SCN4A: variants seen among roughly 807,000 people sequenced by gnomAD.
The protein encoded by SCN4A is sodium voltage-gated channel alpha subunit 4, also known as sodium channel protein type 4 subunit alpha.
SCN4A carries 83 observed loss-of-function variants against 162.0 expected under a neutral mutation model. The observed-to-expected ratio is 0.51, with a 90% CI of 0.43 to 0.61. SCN4A has a LOEUF of 0.61. Ranked by LOEUF, SCN4A falls within the 20% of genes least tolerant of loss-of-function variation. The probability of loss-of-function intolerance (pLI) is 0.00; values close to 1 mark genes in which losing one functional copy is unlikely to be tolerated. For missense variants in SCN4A, 2,196 were observed against 2,462.5 expected (o/e 0.89, Z 2.29); for synonymous variants, 944 against 985.1 (o/e 0.96, Z 0.78).
At chr17:63,957,593 G>T in intron 12 of SCN4A, 75 bp from the exon 13 acceptor site, 1 of 973,582 alleles carries the variant, frequency 1.0e-6, no homozygotes, top group East Asian at 2.6e-5. Flanking sequence ...TTAGGAGAAA[G>T]AACAGTGTCG....
Position 63,968,274 on chromosome 17 carries a change from C to T in SCN4A, c.785G>A (p.Ser262Asn). The change falls in exon 6 of 24, where the codon AGC becomes AAC. Residue 262 changes from serine (S) to asparagine (N), a missense_variant. Coordinates refer to ENST00000435607, the MANE Select transcript of SCN4A (RefSeq NM_000334.4). ...DVMILTVFCL[S>N]VFALVGLQLF... is the part of the protein sequence containing the mutation. ...CTGCAGTCCTACCAGCGCAAAGACG[C>T]TCAGGCAGAAGACAGTGAGGATCAT... The T allele has an allele frequency of 1.2e-6, 2 of 1,613,912 alleles. No homozygotes were observed. The highest frequency in any genetic ancestry group is 1.7e-6 in the Non-Finnish European group (2 of 1,179,774).
chr17:63,945,705 G>A lies in SCN4A; in HGVS notation c.3442-67C>T. On this transcript the variant is annotated intron_variant, in intron 18 of 23. Coordinates refer to ENST00000435607, the MANE Select transcript of SCN4A (RefSeq NM_000334.4). The surrounding 1 kb of genome is among the most constrained non-coding windows in gnomAD (Gnocchi z 4.4). ...CTGAGAGAGGGCTCCACATCTCTAC[G>A]CCACCCAGGGGACCAGGCAGAGCTG... The A allele has an allele frequency of 5.9e-6, 9 of 1,537,374 alleles. No homozygotes were observed. The highest frequency in any genetic ancestry group is 4.7e-5 in the East Asian group (2 of 42,838).
At chr17:63,961,977 C>T (rs73326359) in intron 10 of SCN4A, among the ~76,000 whole-genome samples, 326 of 151,616 alleles carry the variant, frequency 2.2e-3, no homozygotes, top group African/African-American at 7.7e-3. Flanking sequence ...CGCCTCCTCC[C>T]GAAGCTCCGC....
chr17:63,963,857 T>C (rs547258332), intron 9 of SCN4A, 32 bp from the exon 10 acceptor site: 1 of 1,570,098 alleles, frequency 6.4e-7, no homozygotes, highest in East Asian at 2.3e-5. Context: ...TGGCAGGAAG[T>C]CCAGCTCTGA....
At position 63,944,563 on chromosome 17, in the gene SCN4A, C is replaced by G; in HGVS notation, c.3912+110G>C. On this transcript the variant is annotated intron_variant, in intron 21 of 23. Coordinates refer to ENST00000435607, the MANE Select transcript of SCN4A (RefSeq NM_000334.4). This position sits in a 1 kb window ranked among gnomAD's most constrained non-coding sequence, Gnocchi z 4.3. ...CAAGCTAGCTGCCTGAACCAACAAC[C>G]TGGTAGGTGCTCAGGCAGCGTTTGT... The G allele has an allele frequency of 7.9e-7, 1 of 1,258,994 alleles. No homozygotes were observed. The highest frequency in any genetic ancestry group is 1.5e-5 in the South Asian group (1 of 68,158). The allele number at this position is 1,258,994 out of a possible 1,614,324, so 78.0% of individuals were successfully genotyped here.
Position 63,945,190 on chromosome 17 carries a change from A to G in SCN4A, c.3721-130T>C. 2 of 1,075,526 alleles carry G rather than the reference A, an allele frequency of 1.9e-6. No individual in the cohort carries two copies. The highest frequency in any genetic ancestry group is 2.8e-6 in the Non-Finnish European group (2 of 726,654). The allele number at this position is 1,075,526 out of a possible 1,614,324, so 66.6% of individuals were successfully genotyped here. A position where few individuals can be genotyped will look rare whatever the true frequency, so the allele number is the denominator to read the frequency against. On this transcript the variant is annotated intron_variant, in intron 19 of 23. Coordinates refer to ENST00000435607, the MANE Select transcript of SCN4A (RefSeq NM_000334.4). The surrounding 1 kb of genome is among the most constrained non-coding windows in gnomAD (Gnocchi z 4.4). ...CCTGCCAGAGCCCCACTGGGCTAGC[A>G]TCAAATAAAGACCAGAGAGGTCTAG...
Position 63,959,303 on chromosome 17 carries a change from T to C in SCN4A, c.1981A>G (p.Asn661Asp), listed in dbSNP as rs1597978662. ...TLSLVELGLA[N>D]VQGLSVLRSF... ...CGTAGCACAGACAGTCCCTGTACGT[T>C]GGCCAGGCCTAGCTCTACCAGGCTG... The change falls in exon 12 of 24, where the codon AAC (asparagine) becomes GAC (aspartate). Residue 661 changes from asparagine (N) to aspartate (D), a missense_variant. Physicochemically the swap from Asn to Asp is conservative, Grantham distance 23. Coordinates refer to ENST00000435607, the MANE Select transcript of SCN4A (RefSeq NM_000334.4). 1 of 1,614,008 alleles carries C rather than the reference T, an allele frequency of 6.2e-7. No homozygotes were observed.
chr17:63,948,766 C>A lies in SCN4A; in HGVS notation c.2990-1G>T. The A allele has an allele frequency of 6.2e-7, 1 of 1,600,658 alleles. No individual in the cohort carries two copies. Among genetic ancestry groups the A allele is most frequent in the Non-Finnish European group, 8.5e-7 (1 of 1,171,194 alleles). ...AGGCAGGGCCAGCGCTGCACGCAGGCTGATGGGGTGAGGGGGGACAGGGAC... is the reference window on the plus strand; with the variant it reads ...AGGCAGGGCCAGCGCTGCACGCAGGATGATGGGGTGAGGGGGGACAGGGAC... On this transcript the variant is annotated splice_acceptor_variant, in intron 15 of 23. Coordinates refer to ENST00000435607, the MANE Select transcript of SCN4A (RefSeq NM_000334.4). LOFTEE classifies it high-confidence loss of function.
chr17:63,954,621 A>G (rs1328867852), intron 13 of SCN4A, among the ~76,000 whole-genome samples: 1 of 152,062 alleles, frequency 6.6e-6, no homozygotes, highest in African/African-American at 2.4e-5. Context: ...GGTGCAGGGG[A>G]TGCGGGTCCT....
chr17:63,945,072 T>C lies in SCN4A; in HGVS notation c.3721-12A>G. The C allele has an allele frequency of 6.2e-7, 1 of 1,612,784 alleles. No individual in the cohort carries two copies. Among genetic ancestry groups the C allele is most frequent in the Non-Finnish European group, 8.5e-7 (1 of 1,179,416 alleles). On this transcript the variant is annotated splice_polypyrimidine_tract_variant and intron_variant, in intron 19 of 23. Transcript: ENST00000435607. The surrounding 1 kb of genome is among the most constrained non-coding windows in gnomAD (Gnocchi z 4.4). ...CCCTTGAAGGTGGCCTGAGAGAGTG[T>C]GGTTGGGGAGTGAGCCGGGGGGCTG... is the stretch of plus-strand genomic sequence containing the variant.
At position 63,951,793 on chromosome 17, in the gene SCN4A, G is replaced by A; in HGVS notation, c.2484C>T (p.Arg828=). The part of the protein sequence containing the change: ...EMNNLQIAIG[R]IKLGIGFAKA... ...TGGCAAAGCCGATGCCCAACTTGAT[G>A]CGCCCGATGGCAATCTGCAGGTTGT... Residue 828 remains arginine (R), a synonymous_variant, in exon 14 of 24, where the codon CGC becomes CGT. Coordinates refer to ENST00000435607, the MANE Select transcript of SCN4A (RefSeq NM_000334.4). This position sits in a 1 kb window ranked among gnomAD's most constrained non-coding sequence, Gnocchi z 4.5. 2 of 1,583,790 alleles carry A rather than the reference G, an allele frequency of 1.3e-6. No homozygotes were observed. The highest frequency in any genetic ancestry group is 1.7e-6 in the Non-Finnish European group (2 of 1,164,944).
chr17:63,971,610 A>G, intron 4 of SCN4A, 112 bp downstream of exon 4: 3 of 984,554 alleles, frequency 3.0e-6, no homozygotes, highest in Non-Finnish European at 4.6e-6. Flanking sequence ...CCCCATCTGC[A>G]CAACTGACCG....
rs1909102730 is a variant in SCN4A, at chr17:63,957,358, T to C, written c.2180A>G (p.Lys727Arg). ...VGMQLFGKSYKECVCKIALDC... is the reference protein window; with the variant it reads ...VGMQLFGKSYRECVCKIALDC... ...CAAGGCAATCTTGCACACGCACTCC[T>C]TGTAGCTCTTGCCAAACAGCTGCAT... The change falls in exon 13 of 24, where the codon AAG (lysine) becomes AGG (arginine). Residue 727 changes from lysine to arginine, a missense_variant. Lys to Arg is a conservative substitution (Grantham distance 26). Transcript: ENST00000435607. 1.1e-5 allele frequency: 18 copies of C among 1,614,078 alleles called. No homozygotes were observed. The highest frequency in any genetic ancestry group is 1.5e-5 in the Non-Finnish European group (18 of 1,179,940).
intron 13 of SCN4A, among the ~76,000 whole-genome samples, chr17:63,953,434 C>T (rs554961708): frequency 6.6e-6 from 1 of 151,926 alleles, no homozygotes; most frequent in Non-Finnish European, 1.5e-5. Context: ...AGTAGGCACT[C>T]AACGCATGTT....
chr17:63,952,758 C>G (rs534627029), intron 13 of SCN4A, among the ~76,000 whole-genome samples: 9 of 152,262 alleles, frequency 5.9e-5, no homozygotes, highest in East Asian at 3.9e-4. Context: ...GCTGCTCCCC[C>G]CCAGCACCCC....
chr17:63,971,094 G>A, intron 5 of SCN4A, 68 bp downstream of exon 5: 2 of 1,040,600 alleles, frequency 1.9e-6, no homozygotes, highest in South Asian at 1.4e-5. Context: ...ACTGAGTCAG[G>A]TTCCAGGCCT....
chr17:63,959,043 T>A (rs905708364), intron 12 of SCN4A, among the ~76,000 whole-genome samples: 1 of 152,180 alleles, frequency 6.6e-6, no homozygotes, highest in African/African-American at 2.4e-5. Context: ...CCTCTGTCAC[T>A]TGGGTCCCCC....
chr17:63,961,464 G>T, intron 10 of SCN4A, 33 bp from the exon 11 acceptor site: 1 of 1,516,006 alleles, frequency 6.6e-7, no homozygotes, highest in Non-Finnish European at 9.2e-7. Flanking sequence ...TATCTGGTGA[G>T]GATTATCCCC....
In SCN4A at chr17:63,947,038, C is replaced by T. The variant is rs142270113; in HGVS notation, c.3441+7G>A. The stretch of plus-strand genomic sequence containing the variant: ...CAGCCCACCCCAGAGGCCCCTTCAG[C>T]ACCCACCCTCATGCCCTCGAATCGG... On this transcript the variant is annotated splice_region_variant and intron_variant, in intron 18 of 23. Coordinates refer to ENST00000435607, the MANE Select transcript of SCN4A (RefSeq NM_000334.4). The T allele has an allele frequency of 1.3e-3, 2,081 of 1,609,304 alleles. 30 individuals carry two copies. The African/African-American group carries it at 0.025, about 19-fold the overall frequency.
Sources: gnomAD v4.1 joint callset for allele counts (sites outside exome capture counted in the v4.1 genomes callset) on GRCh38, gnomAD v4.1.1 for gene constraint, Gnocchi (gnomAD v3.1) non-coding constraint, MANE v1.5 for transcripts, NCBI Gene and HGNC (gene_info 2026-07-23, HGNC 2026-07-21) for gene names.